PCDHA2: variants seen among roughly 807,000 people sequenced by gnomAD.
PCDHA2 encodes protocadherin alpha-2.
PCDHA2 carries 58 observed loss-of-function variants against 66.0 expected under a neutral mutation model. The observed-to-expected ratio is 0.88, with a 90% CI of 0.71 to 1.09. PCDHA2 has a LOEUF of 1.09. Among genes scored for constraint, PCDHA2 ranks in the 50% least tolerant of loss-of-function variants. The pLI is 0.00. For synonymous variants in PCDHA2, 634 were observed against 554.0 expected (o/e 1.14, Z -2.03); for missense variants, 1,267 against 1,242.3 (o/e 1.02, Z -0.30).
At chr5:140,933,043 TTACAG>T (rs2088815102) in intron 1 of PCDHA2, among the ~76,000 whole-genome samples, 1 of 151,992 alleles carries the variant, frequency 6.6e-6, no homozygotes, top group Admixed American at 6.5e-5. Flanking sequence ...TGAATATGGA[TTACAG>T]TCCAGGATCC....
At chr5:141,003,988 C>T (rs1554259401) in intron 3 of PCDHA2, among the ~76,000 whole-genome samples, 1 of 152,120 alleles carries the variant, frequency 6.6e-6, no homozygotes, top group African/African-American at 2.4e-5. Context: ...TGCCGGAGAT[C>T]CTAGAAGGGA....
rs6858913 is a variant in PCDHA2, at chr5:140,797,255, C to T, written c.2291C>T (p.Pro764Leu). The stretch of plus-strand genomic sequence containing the variant: ...CAGAGGGTGTGCTCTGGGGAGGACC[C>T]CCCCAAGACGGACCTCATGGCCTTC... ...RRQRVCSGED[P>L]PKTDLMAFSP... The change falls in exon 1 of 4, where the codon CCC (proline) becomes CTC (leucine). Residue 764 changes from proline (P) to leucine (L), a missense_variant. Physicochemically the swap from Pro to Leu is moderately conservative, Grantham distance 98 (BLOSUM62 -3). Transcript: ENST00000526136. The T allele has an allele frequency of 2.6e-3, 4,142 of 1,614,196 alleles. 72 individuals carry two copies. In the African/African-American group the frequency reaches 0.048, roughly 19 times the overall value.
At chr5:140,814,347 G>A (rs1554126500) in intron 1 of PCDHA2, 3 of 151,722 alleles carry the variant, frequency 2.0e-5, no homozygotes, top group African/African-American at 4.8e-5. Context: ...GTCTTCTGGG[G>A]CAGTTACACA....
In PCDHA2 at chr5:140,857,042, C is replaced by T. The variant is rs147770909; in HGVS notation, c.2388+59690C>T. The T allele has an allele frequency of 1.1e-5, 18 of 1,595,436 alleles. 1 individual carries two copies. In the African/African-American group the frequency reaches 1.2e-4, roughly 11 times the overall value. ...TAAGGGAAACCCACCTATGGTTGGTCACTGCACGGTCCTAGTGGAACTACT... is the reference window on the plus strand; with the variant it reads ...TAAGGGAAACCCACCTATGGTTGGTTACTGCACGGTCCTAGTGGAACTACT... On this transcript the variant is annotated intron_variant, in intron 1 of 3. Coordinates refer to ENST00000526136, the MANE Select transcript of PCDHA2 (RefSeq NM_018905.3).
intron 1 of PCDHA2, among the ~76,000 whole-genome samples, chr5:140,896,034 C>T (rs2065325543): frequency 6.6e-6 from 1 of 152,192 alleles, no homozygotes; most frequent in South Asian, 2.1e-4. Flanking sequence ...TGGTCTCGAA[C>T]TCCTGACCTC....
In PCDHA2 at chr5:140,796,037, C is replaced by T. The variant is rs1762026076; in HGVS notation, c.1073C>T (p.Pro358Leu). 6.2e-7 allele frequency: 1 copy of T among 1,614,166 alleles called. No homozygotes were observed. Among genetic ancestry groups the T allele is most frequent in the African/African-American group, 1.3e-5 (1 of 75,046 alleles). ...GTCTCAATAACGTCTCTCTCACTTC[C>T]CATCTCAGAGAACGCTTCCCTGGGC... ...PEVSITSLSL[P>L]ISENASLGTV... The change falls in exon 1 of 4, where the codon CCC becomes CTC. Residue 358 changes from proline (P) to leucine (L), a missense_variant. By Grantham distance (98) the Pro-to-Leu change is moderately conservative (BLOSUM62 -3). Coordinates refer to ENST00000526136, the MANE Select transcript of PCDHA2 (RefSeq NM_018905.3).
Position 140,869,844 on chromosome 5 carries a change from T to C in PCDHA2, c.2388+72492T>C, listed in dbSNP as rs782664707. The C allele has an allele frequency of 1.3e-5, 21 of 1,611,376 alleles. No individual in the cohort carries two copies. The South Asian group carries it at 1.7e-4, about 13-fold the overall frequency. ...ATCCAGAGTTTGATAAATCAGAATA[T>C]AAGGTGAGCCTTATGGAAAATGCTG... On this transcript the variant is annotated intron_variant, in intron 1 of 3. Transcript: ENST00000526136.
intron 1 of PCDHA2, chr5:140,883,444 T>C: frequency 3.1e-6 from 5 of 1,614,170 alleles, no homozygotes; most frequent in Non-Finnish European, 4.2e-6. Context: ...TGACGCCGCA[T>C]GTCCCCTTCA....
At chr5:140,851,106 C>G in intron 1 of PCDHA2, 1 of 1,294,794 alleles carries the variant, frequency 7.7e-7, no homozygotes, top group South Asian at 2.7e-5. Context: ...TTTTTGGGTG[C>G]TGAATCAATT....
chr5:140,923,814 A>G (rs1554201602), intron 1 of PCDHA2, among the ~76,000 whole-genome samples: 1 of 152,250 alleles, frequency 6.6e-6, no homozygotes, highest in Non-Finnish European at 1.5e-5. Flanking sequence ...ATCTTCTGAA[A>G]ATAGACGTCA....
At chr5:140,858,321 C>A in intron 1 of PCDHA2, 1 of 1,596,814 alleles carries the variant, frequency 6.3e-7, no homozygotes, top group Non-Finnish European at 8.6e-7. Flanking sequence ...AGGGTGTGTT[C>A]TGGGGAGGGC....
chr5:140,843,636 TC>T, intron 1 of PCDHA2: 2 of 1,595,920 alleles, frequency 1.3e-6, no homozygotes, highest in Non-Finnish European at 1.7e-6. Context: ...CTCATGGCCT[TC>T]AGCCCCTGCC....
At chr5:140,884,169 C>CG (rs2153400955) in intron 1 of PCDHA2, 1 of 1,613,426 alleles carries the variant, frequency 6.2e-7, no homozygotes, top group East Asian at 2.2e-5. Context: ...ATCAGCACGA[C>CG]GCGCCCTCTG....
intron 1 of PCDHA2, chr5:140,967,530 C>T: frequency 6.2e-7 from 1 of 1,613,178 alleles, no homozygotes; most frequent in Non-Finnish European, 8.5e-7. Flanking sequence ...GACAACTCTC[C>T]TGCCTTTGAC....
intron 1 of PCDHA2, chr5:140,808,488 C>G: frequency 6.2e-7 from 1 of 1,614,170 alleles, no homozygotes. Flanking sequence ...GGCTCGCCTT[C>G]GCTGTGGGCC....
At chr5:140,980,849 C>A (rs2096908252) in intron 2 of PCDHA2, among the ~76,000 whole-genome samples, 1 of 152,068 alleles carries the variant, frequency 6.6e-6, no homozygotes, top group Admixed American at 6.6e-5. Context: ...TAATACTAAT[C>A]TTTTTCGTAT....
At chr5:141,007,985 A>C (rs2153994605) in intron 3 of PCDHA2, among the ~76,000 whole-genome samples, 1 of 152,322 alleles carries the variant, frequency 6.6e-6, no homozygotes, top group South Asian at 2.1e-4. Context: ...TGTATATATG[A>C]AATGTACATG....
chr5:140,805,737 C>A, intron 1 of PCDHA2: 1 of 338,256 alleles, frequency 3.0e-6, no homozygotes, highest in Non-Finnish European at 4.2e-6. Context: ...AAGTTTTCAA[C>A]ATTGAACTTG....
chr5:140,941,373 G>A (rs576282436), intron 1 of PCDHA2, among the ~76,000 whole-genome samples: 2 of 134,082 alleles, frequency 1.5e-5, no homozygotes, highest in South Asian at 5.1e-4. Flanking sequence ...CTGGAGTGTA[G>A]TGACAGGATT....
Sources: allele counts gnomAD v4.1 joint callset (sites outside exome capture counted in the v4.1 genomes callset), GRCh38; gene constraint gnomAD v4.1.1; transcripts MANE v1.5; gene names NCBI Gene and HGNC (gene_info 2026-07-23, HGNC 2026-07-21).